Variants in ARHGAP10 observed in about 807,000 individuals in gnomAD.
ARHGAP10 encodes the protein Rho GTPase activating protein 10.
Under a neutral mutation model 108.6 loss-of-function variants are expected in ARHGAP10, and 87 were observed. The ratio of observed to expected loss-of-function variants is 0.80; its 90% CI spans 0.67 to 0.96. ARHGAP10 has a LOEUF of 0.96. Among genes scored for constraint, ARHGAP10 ranks in the 40% least tolerant of loss-of-function variants. The pLI is 0.00. For synonymous variants in ARHGAP10, 347 were observed against 341.1 expected (o/e 1.02, Z -0.19); for missense variants, 939 against 954.5 (o/e 0.98, Z 0.21).
chr4:147,820,758 T>G (rs1369285937), intron 1 of ARHGAP10, among the ~76,000 whole-genome samples: 1 of 151,930 alleles, frequency 6.6e-6, no homozygotes, highest in East Asian at 1.9e-4. Flanking sequence ...GTCCAGCTAA[T>G]TTTTGTAATT....
intron 16 of ARHGAP10, among the ~76,000 whole-genome samples, chr4:147,957,302 G>A (rs539197260): frequency 6.6e-6 from 1 of 152,292 alleles, no homozygotes; most frequent in South Asian, 2.1e-4. Flanking sequence ...TAGACTTTAA[G>A]TTTTTATTTT....
chr4:147,953,200 A>T (rs2635259), intron 15 of ARHGAP10, among the ~76,000 whole-genome samples: 1 of 151,830 alleles, frequency 6.6e-6, no homozygotes, highest in East Asian at 1.9e-4. Context: ...ATCTATGTTC[A>T]TGAGTGATAT....
intron 1 of ARHGAP10, among the ~76,000 whole-genome samples, chr4:147,820,713 C>A (rs1206647463): frequency 1.3e-5 from 2 of 148,984 alleles, no homozygotes; most frequent in African/African-American, 4.9e-5. Flanking sequence ...GCCTCAGCCT[C>A]CCAAGTAGCT....
At chr4:147,979,151 C>T (rs1739715872) in intron 18 of ARHGAP10, among the ~76,000 whole-genome samples, 1 of 152,088 alleles carries the variant, frequency 6.6e-6, no homozygotes. Flanking sequence ...AAGAGTATTT[C>T]CTAGGTTTTC....
intron 1 of ARHGAP10, among the ~76,000 whole-genome samples, chr4:147,774,620 A>T (rs921663062): frequency 6.6e-6 from 1 of 152,076 alleles, no homozygotes; most frequent in East Asian, 1.9e-4. Context: ...TGTTTATTTC[A>T]TGAGAGGGTG....
chr4:147,936,087 C>T (rs952895052), intron 13 of ARHGAP10, among the ~76,000 whole-genome samples: 11 of 152,158 alleles, frequency 7.2e-5, no homozygotes, highest in Non-Finnish European at 1.6e-4. Flanking sequence ...CTTTTGGCTT[C>T]TACCACTGAG....
chr4:147,874,921 G>A (rs930672980), intron 7 of ARHGAP10, 100 bp from the exon 8 acceptor site: 12 of 1,251,470 alleles, frequency 9.6e-6, no homozygotes, highest in Non-Finnish European at 1.1e-5. Flanking sequence ...GTTATTTAGA[G>A]TTAAAAAATG....
At chr4:148,013,675 G>A (rs1741247521) in intron 18 of ARHGAP10, among the ~76,000 whole-genome samples, 1 of 151,992 alleles carries the variant, frequency 6.6e-6, no homozygotes, top group Admixed American at 6.6e-5. Context: ...GTGACAGAGC[G>A]AGACTCCATC....
intron 5 of ARHGAP10, chr4:147,858,085 A>G (rs1734167573): frequency 6.6e-6 from 1 of 152,274 alleles, no homozygotes; most frequent in Non-Finnish European, 1.5e-5. Context: ...AGGAGGTTCA[A>G]CTTTGTTGGA....
Position 147,970,953 on chromosome 4 carries a change from C to T in ARHGAP10, c.1716+4114C>T, listed in dbSNP as rs535172739. On this transcript the variant is annotated intron_variant, in intron 18 of 22. Transcript: ENST00000336498. The stretch of plus-strand genomic sequence containing the variant: ...AAAGAAAGTACAAGAATTAGCCAGG[C>T]GTGGTGGCGGGCACCTGTAATCCCA... Among the ~76,000 whole-genome samples, 4 of 152,048 alleles carry T rather than the reference C, an allele frequency of 2.6e-5. No individual in the cohort carries two copies. In the South Asian group the frequency reaches 8.3e-4, roughly 32 times the overall value.
chr4:147,983,434 C>T (rs1294389554), intron 18 of ARHGAP10, among the ~76,000 whole-genome samples: 1 of 152,080 alleles, frequency 6.6e-6, no homozygotes, highest in Non-Finnish European at 1.5e-5. Flanking sequence ...ATCCGCCCGC[C>T]TCCTCCTCCC....
intron 18 of ARHGAP10, among the ~76,000 whole-genome samples, chr4:148,005,807 A>G (rs1269448279): frequency 6.6e-6 from 1 of 152,254 alleles, no homozygotes; most frequent in Non-Finnish European, 1.5e-5. Flanking sequence ...AGAAGTATTT[A>G]CATGTGTATG....
At chr4:147,822,457 T>TCTGAGGAACAAC (rs2126786184) in intron 1 of ARHGAP10, among the ~76,000 whole-genome samples, 1 of 152,236 alleles carries the variant, frequency 6.6e-6, no homozygotes, top group South Asian at 2.1e-4. Context: ...CAATGTGAAA[T>TCTGAGGAACAAC]AATCAGATCT....
intron 10 of ARHGAP10, among the ~76,000 whole-genome samples, chr4:147,904,559 G>A (rs2358176): frequency 2.0e-5 from 3 of 152,078 alleles, no homozygotes; most frequent in East Asian, 3.9e-4. Flanking sequence ...AAGGACATGA[G>A]CTCATCATTT....
In ARHGAP10 at chr4:147,849,088, A is replaced by G. The variant is rs145700164; in HGVS notation, c.384+1866A>G. On this transcript the variant is annotated intron_variant, in intron 4 of 22. Coordinates refer to ENST00000336498, the MANE Select transcript of ARHGAP10 (RefSeq NM_024605.4). ...TCACCTGTGAAGAGCCCGTCATTGT[A>G]GGTCATAGGGAGAAGCCCTTTTTCC... Among the ~76,000 whole-genome samples the G allele has an allele frequency of 2.0e-3, 307 of 152,316 alleles. 1 individual carries two copies. Among genetic ancestry groups the G allele is most frequent in the African/African-American group, 6.7e-3 (277 of 41,562 alleles).
intron 10 of ARHGAP10, among the ~76,000 whole-genome samples, chr4:147,902,350 G>A (rs1736284336): frequency 6.6e-6 from 1 of 152,158 alleles, no homozygotes; most frequent in South Asian, 2.1e-4. Context: ...GTGGCACTTA[G>A]GATAAATTAA....
intron 1 of ARHGAP10, among the ~76,000 whole-genome samples, chr4:147,748,062 G>A (rs151024719): frequency 5.3e-5 from 8 of 152,158 alleles, no homozygotes; most frequent in Non-Finnish European, 7.3e-5. Context: ...CCAAATGTTC[G>A]TAGTGCTGAG....
intron 20 of ARHGAP10, among the ~76,000 whole-genome samples, chr4:148,050,219 G>T (rs1729071440): frequency 6.6e-6 from 1 of 151,792 alleles, no homozygotes; most frequent in Non-Finnish European, 1.5e-5. Flanking sequence ...ACTTTTTTGT[G>T]ATATTGATGT....
At chr4:147,864,704 C>T (rs1734476607) in intron 5 of ARHGAP10, 142 bp from the exon 6 acceptor site, 5 of 627,456 alleles carry the variant, frequency 8.0e-6, no homozygotes, top group South Asian at 4.2e-5. Flanking sequence ...AATGAATTGT[C>T]GTACCTGTGT....
Sources: gnomAD v4.1 joint callset for allele counts (sites outside exome capture counted in the v4.1 genomes callset) on GRCh38, gnomAD v4.1.1 for gene constraint, MANE v1.5 for transcripts, NCBI Gene and HGNC (gene_info 2026-07-23, HGNC 2026-07-21) for gene names.